Variants in NPHP3 observed in about 807,000 individuals in gnomAD.
NPHP3 encodes the protein nephrocystin-3.
NPHP3 carries 123 observed loss-of-function variants against 171.9 expected under a neutral mutation model. The observed-to-expected ratio is 0.72, with a 90% CI of 0.62 to 0.83. The LOEUF is 0.83. Among genes scored for constraint, NPHP3 ranks in the 40% least tolerant of loss-of-function variants. The probability of loss-of-function intolerance (pLI) is 0.00; values close to 1 mark genes in which losing one functional copy is unlikely to be tolerated. For synonymous variants in NPHP3, 558 were observed against 579.2 expected, an observed-to-expected ratio of 0.96 and a Z score of 0.52; for missense variants, 1,506 against 1,591.9, an observed-to-expected ratio of 0.95 and a Z score of 0.92.
intron 15 of NPHP3, among the ~76,000 whole-genome samples, chr3:132,695,383 G>C (rs1417533385): frequency 6.6e-6 from 1 of 152,070 alleles, no homozygotes; most frequent in Non-Finnish European, 1.5e-5. Context: ...CATTAAATAG[G>C]GGGGTATGTT....
At chr3:132,706,406 T>G (rs1309070842) in intron 7 of NPHP3, among the ~76,000 whole-genome samples, 1 of 151,900 alleles carries the variant, frequency 6.6e-6, no homozygotes, top group Non-Finnish European at 1.5e-5. Flanking sequence ...TATACATTTT[T>G]TTTTTGCTCT....
intron 5 of NPHP3, 82 bp downstream of exon 5, chr3:132,715,003 G>C (rs1239088556): frequency 3.5e-6 from 4 of 1,153,454 alleles, no homozygotes; most frequent in Non-Finnish European, 5.1e-6. Flanking sequence ...CTATTTGGTT[G>C]AGATACAGTA....
chr3:132,698,997 A>T (rs1939532290), intron 13 of NPHP3, among the ~76,000 whole-genome samples: 1 of 152,016 alleles, frequency 6.6e-6, no homozygotes. Context: ...GGTTCAAGCG[A>T]TTCTCCTGCC....
chr3:132,683,371 GATAC>G, intron 25 of NPHP3, 24 bp downstream of exon 25: 1 of 1,601,554 alleles, frequency 6.2e-7, no homozygotes, highest in South Asian at 1.1e-5. Context: ...ATCATTCACT[GATAC>G]AACGTTAAAA....
chr3:132,721,287 C>A (rs1940208984), intron 1 of NPHP3, among the ~76,000 whole-genome samples: 1 of 152,138 alleles, frequency 6.6e-6, no homozygotes. Flanking sequence ...TTGCTTTTAG[C>A]GTAAATTAAT....
At chr3:132,706,186 C>G (rs1349290630) in intron 7 of NPHP3, among the ~76,000 whole-genome samples, 4 of 151,920 alleles carry the variant, frequency 2.6e-5, no homozygotes, top group African/African-American at 9.7e-5. Context: ...GGTGAAACCC[C>G]ATCTCTACTA....
At position 132,694,870 on chromosome 3, in the gene NPHP3, C is replaced by T. The variant is rs747554260; in HGVS notation, c.2267G>A (p.Arg756Gln). The T allele has an allele frequency of 5.0e-6, 8 of 1,613,514 alleles. No individual in the cohort carries two copies. The highest frequency in any genetic ancestry group is 1.7e-5 in the Admixed American group (1 of 59,994). ...SLYRLVLHSIRESMANDVDKE... is the reference protein window; with the variant it reads ...SLYRLVLHSIQESMANDVDKE... ...ATCCACATCATTTGCCATGGACTCCCGGATAGAGTGCAGAACAAGTCTATA... is the reference window on the plus strand; with the variant it reads ...ATCCACATCATTTGCCATGGACTCCTGGATAGAGTGCAGAACAAGTCTATA... The change falls in exon 16 of 27, where the codon CGG becomes CAG. Residue 756 changes from arginine (R) to glutamine (Q), a missense_variant. Transcript: ENST00000337331.
At chr3:132,690,746 C>T (rs1420049177) in intron 18 of NPHP3, 96 bp from the exon 19 acceptor site, 1 of 1,225,016 alleles carries the variant, frequency 8.2e-7, no homozygotes, top group East Asian at 2.4e-5. Flanking sequence ...AAATATTTAA[C>T]ATATATCTCT....
intron 15 of NPHP3, among the ~76,000 whole-genome samples, chr3:132,696,006 G>T (rs1435922795): frequency 7.2e-5 from 11 of 152,048 alleles, no homozygotes; most frequent in Non-Finnish European, 1.2e-4. Context: ...TTCAAATTTG[G>T]TTCTCAAGAT....
rs187915801 is a variant in NPHP3, at chr3:132,713,689, A to G, written c.958-403T>C. On this transcript the variant is annotated intron_variant, in intron 5 of 26. Transcript: ENST00000337331. ...AAAACATCCACGATGATATATCAGA[A>G]CGCTAAAGCAGAGCGATATAAGTTA... Among the ~76,000 whole-genome samples, 13 of 152,332 alleles carry G rather than the reference A, an allele frequency of 8.5e-5. No individual in the cohort carries two copies. In the East Asian group the frequency reaches 2.5e-3, roughly 29 times the overall value.
chr3:132,689,870 T>G (rs977965865), intron 19 of NPHP3, among the ~76,000 whole-genome samples: 1 of 152,066 alleles, frequency 6.6e-6, no homozygotes, highest in African/African-American at 2.4e-5. Flanking sequence ...AGATCAGAAA[T>G]AAGAGATGCA....
chr3:132,702,733 C>A (rs554645903), intron 9 of NPHP3, among the ~76,000 whole-genome samples: 5 of 152,222 alleles, frequency 3.3e-5, no homozygotes, highest in African/African-American at 1.2e-4. Flanking sequence ...AATTAACAAG[C>A]AGAAAAATTA....
Position 132,713,117 on chromosome 3 carries a change from TC to T in NPHP3, c.1118+8del. 1 of 1,374,900 alleles carries T rather than the reference TC, an allele frequency of 7.3e-7. No homozygotes were observed. The highest frequency in any genetic ancestry group is 1.0e-6 in the Non-Finnish European group (1 of 987,194). The allele number at this position is 1,374,900 out of a possible 1,614,324, so 85.2% of individuals were successfully genotyped here. ...TGCTTATAATAAATTACATTTTTTT[TC>T]AGCTTACCTTGGTAATGTTAAGTGA... On this transcript the variant is annotated splice_region_variant and intron_variant, in intron 6 of 26. Coordinates refer to ENST00000337331, the MANE Select transcript of NPHP3 (RefSeq NM_153240.5).
At position 132,689,226 on chromosome 3, in the gene NPHP3, C is replaced by T. The variant is rs370506189; in HGVS notation, c.2731G>A (p.Val911Ile). Residue 911 changes from valine (V) to isoleucine (I), a missense_variant, in exon 20 of 27, where the codon GTT becomes ATT. By Grantham distance (29) the Val-to-Ile change is conservative. This residue lies in a region of NPHP3 where 569 missense variants were observed against 648.1 expected (regional missense o/e 0.88). Coordinates refer to ENST00000337331, the MANE Select transcript of NPHP3 (RefSeq NM_153240.5). Reference protein sequence around the residue: ...FAELLSYWQFVGKDKSAMATE... With the variant: ...FAELLSYWQFIGKDKSAMATE... ...GCCATTGCACTTTTGTCTTTGCCAA[C>T]AAACTGCCAATAACTCAGCAACTCA... 20 of 1,614,034 alleles carry T rather than the reference C, an allele frequency of 1.2e-5. No individual in the cohort carries two copies. Among genetic ancestry groups the T allele is most frequent in the South Asian group, 8.8e-5 (8 of 91,092 alleles).
At chr3:132,704,490 C>G in intron 8 of NPHP3, 119 bp from the exon 9 acceptor site, 1 of 871,236 alleles carries the variant, frequency 1.1e-6, no homozygotes, top group Non-Finnish European at 2.0e-6. Flanking sequence ...AAACATACAG[C>G]CTTTGTATAA....
At chr3:132,690,500 G>T in intron 19 of NPHP3, 28 bp downstream of exon 19, 1 of 1,596,924 alleles carries the variant, frequency 6.3e-7, no homozygotes, top group Non-Finnish European at 8.6e-7. Flanking sequence ...TCTCTTTCTG[G>T]GGAAAGATGT....
rs1047548001 is a variant in NPHP3 at position 132,704,048 on chromosome 3, C to G, written c.1524+150G>C. The G allele has an allele frequency of 3.7e-5, 30 of 816,422 alleles. No homozygotes were observed. The African/African-American group carries it at 3.9e-4, about 11-fold the overall frequency. The allele number at this position is 816,422 out of a possible 1,614,324, so 50.6% of individuals were successfully genotyped here. On this transcript the variant is annotated intron_variant, in intron 9 of 26. Transcript: ENST00000337331. ...TCACATATCTTTCTTATGACACAAA[C>G]CTAAGCACATCTCAACATGGATAAT...
At chr3:132,697,405 C>T (rs749265781) in intron 13 of NPHP3, 43 bp from the exon 14 acceptor site, 2 of 1,274,216 alleles carry the variant, frequency 1.6e-6, no homozygotes, top group South Asian at 1.2e-5. Context: ...AATAATACAA[C>T]AAGAACTGTA....
At chr3:132,718,031 G>C in intron 3 of NPHP3, 1 of 446,250 alleles carries the variant, frequency 2.2e-6, no homozygotes, top group Non-Finnish European at 4.5e-6. Context: ...TGGTATTACA[G>C]GCATAAGCCA....
Sources: gnomAD v4.1 joint callset for allele counts (sites outside exome capture counted in the v4.1 genomes callset) on GRCh38, gnomAD v4.1.1 for gene constraint, gnomAD v4.1.1 regional missense constraint, MANE v1.5 for transcripts, NCBI Gene and HGNC (gene_info 2026-07-23, HGNC 2026-07-21) for gene names.